ADAMTS6: variants seen among roughly 807,000 people sequenced by gnomAD.
The protein encoded by ADAMTS6 is A disintegrin and metalloproteinase with thrombospondin motifs 6.
In ADAMTS6, 23 loss-of-function variants were observed where a neutral mutation model predicts 144.3. The observed-to-expected ratio is 0.16, with a 90% CI of 0.11 to 0.23. The LOEUF is 0.23. Among genes scored for constraint, ADAMTS6 ranks in the 10% least tolerant of loss-of-function variants. The pLI is 1.00. For synonymous variants in ADAMTS6, 444 were observed against 457.5 expected, an observed-to-expected ratio of 0.97 and a Z score of 0.38; for missense variants, 999 against 1,379.6, an observed-to-expected ratio of 0.72 and a Z score of 4.37.
At chr5:65,163,631 A>C (rs1380964298) in intron 24 of ADAMTS6, among the ~76,000 whole-genome samples, 1 of 152,242 alleles carries the variant, frequency 6.6e-6, no homozygotes, top group East Asian at 1.9e-4. Flanking sequence ...ATCTCTCTTG[A>C]AGAGGTTTAT....
At chr5:65,276,647 T>C (rs954191358) in intron 11 of ADAMTS6, among the ~76,000 whole-genome samples, 2 of 152,212 alleles carry the variant, frequency 1.3e-5, no homozygotes, top group Non-Finnish European at 2.9e-5. Flanking sequence ...ATGGATGATA[T>C]ATTTGCATAG....
At chr5:65,195,398 A>G (rs923641038) in intron 21 of ADAMTS6, among the ~76,000 whole-genome samples, 1 of 152,210 alleles carries the variant, frequency 6.6e-6, no homozygotes, top group Non-Finnish European at 1.5e-5. Context: ...AAAGAACTCA[A>G]TGTAAAATTG....
At chr5:65,456,803 T>C (rs563740571) in intron 4 of ADAMTS6, among the ~76,000 whole-genome samples, 14 of 152,302 alleles carry the variant, frequency 9.2e-5, no homozygotes, top group African/African-American at 3.1e-4. Context: ...CTTTTCCTTT[T>C]TGTCCTGTAT....
chr5:65,207,559 G>A lies in ADAMTS6; in HGVS notation c.2575+7235C>T, dbSNP rs1756195786. ...ATAATATTAAATAAGAGGAGGGGAT[G>A]GGAGTGAAATGAGAATGGTATGAAC... On this transcript the variant is annotated intron_variant, in intron 20 of 24. Transcript: ENST00000381055. 1.3e-5 allele frequency among the ~76,000 whole-genome samples: 2 copies of A among 152,256 alleles called. 1 individual carries two copies. The highest frequency in any genetic ancestry group is 4.1e-4 in the South Asian group (2 of 4,826).
intron 15 of ADAMTS6, among the ~76,000 whole-genome samples, chr5:65,236,315 T>C (rs531054512): frequency 2.0e-5 from 3 of 152,304 alleles, no homozygotes; most frequent in Admixed American, 2.0e-4. Context: ...TTTTCTTTCT[T>C]TTTTTCTAAG....
At chr5:65,167,352 A>G (rs1004501543) in intron 24 of ADAMTS6, among the ~76,000 whole-genome samples, 48 of 152,148 alleles carry the variant, frequency 3.2e-4, no homozygotes, top group African/African-American at 1.1e-3. Flanking sequence ...GAATCTCTGA[A>G]TAGACCAATA....
intron 7 of ADAMTS6, among the ~76,000 whole-genome samples, chr5:65,378,664 T>C (rs1337417709): frequency 6.6e-6 from 1 of 152,184 alleles, no homozygotes; most frequent in Non-Finnish European, 1.5e-5. Flanking sequence ...ATACTTCTTC[T>C]AAATAACCTT....
intron 12 of ADAMTS6, among the ~76,000 whole-genome samples, chr5:65,272,629 G>T (rs2112652752): frequency 6.6e-6 from 1 of 152,126 alleles, no homozygotes; most frequent in Admixed American, 6.5e-5. Flanking sequence ...CAATCTAAAA[G>T]TGACTTTAGA....
In ADAMTS6 at chr5:65,213,422, G is replaced by T. The variant is rs10075356; in HGVS notation, c.2575+1372C>A. ...TTTGGGAGACTGAGGCAGGAGGAAT[G>T]CTTGAGGCCAGGAGTTCCAGACAAG... On this transcript the variant is annotated intron_variant, in intron 20 of 24. Coordinates refer to ENST00000381055, the MANE Select transcript of ADAMTS6 (RefSeq NM_197941.4). Among the ~76,000 whole-genome samples, 801 of 152,264 alleles carry T rather than the reference G, an allele frequency of 5.3e-3. 9 individuals carry two copies. The highest frequency in any genetic ancestry group is 0.019 in the African/African-American group (772 of 41,538).
intron 7 of ADAMTS6, among the ~76,000 whole-genome samples, chr5:65,339,665 A>T (rs1199650416): frequency 2.0e-5 from 3 of 151,986 alleles, no homozygotes; most frequent in Non-Finnish European, 4.4e-5. Context: ...TGAAATAAAA[A>T]ATAGAAGAAA....
intron 7 of ADAMTS6, among the ~76,000 whole-genome samples, chr5:65,385,806 T>C (rs1752425442): frequency 1.3e-5 from 2 of 152,056 alleles, no homozygotes; most frequent in African/African-American, 4.8e-5. Context: ...GAAGAAGCAA[T>C]TGTAGGAATT....
At chr5:65,200,540 A>T (rs914187129) in intron 20 of ADAMTS6, among the ~76,000 whole-genome samples, 1 of 152,192 alleles carries the variant, frequency 6.6e-6, no homozygotes, top group Non-Finnish European at 1.5e-5. Context: ...TATAGTTTAT[A>T]ACCAAAACAT....
chr5:65,383,645 G>GCT (rs1279047959), intron 7 of ADAMTS6, among the ~76,000 whole-genome samples: 3 of 152,078 alleles, frequency 2.0e-5, no homozygotes, highest in Non-Finnish European at 2.9e-5. Context: ...TGTGCCTGTG[G>GCT]CTCTCCCGGG....
Position 65,390,092 on chromosome 5 carries a change from CTATT to C in ADAMTS6, c.1074-56011_1074-56008del, listed in dbSNP as rs900446638. Among the ~76,000 whole-genome samples, 10 of 152,144 alleles carry C rather than the reference CTATT, an allele frequency of 6.6e-5. 1 individual carries two copies. The highest frequency in any genetic ancestry group is 2.1e-4 in the South Asian group (1 of 4,818). On this transcript the variant is annotated intron_variant, in intron 7 of 24. Transcript: ENST00000381055. The stretch of plus-strand genomic sequence containing the variant: ...GTAGAAATAAGTCATTGAAAAAAAA[CTATT>C]TAGTTTTATTCATTTATATATGGCC...
chr5:65,431,045 G>A (rs1561535509), intron 7 of ADAMTS6, among the ~76,000 whole-genome samples: 1 of 152,114 alleles, frequency 6.6e-6, no homozygotes, highest in Non-Finnish European at 1.5e-5. Context: ...CAACTTACAC[G>A]TAGTAAGCAC....
intron 9 of ADAMTS6, among the ~76,000 whole-genome samples, chr5:65,310,167 G>A (rs1382224716): frequency 6.6e-6 from 1 of 151,358 alleles, no homozygotes; most frequent in Non-Finnish European, 1.5e-5. Context: ...CTTCCCCTTT[G>A]CCTTCCTCCA....
At chr5:65,384,237 C>T (rs1286957148) in intron 7 of ADAMTS6, among the ~76,000 whole-genome samples, 1 of 152,178 alleles carries the variant, frequency 6.6e-6, no homozygotes, top group African/African-American at 2.4e-5. Context: ...ACCATATAGC[C>T]AGGCTGAGAA....
intron 7 of ADAMTS6, among the ~76,000 whole-genome samples, chr5:65,376,877 T>C (rs1471425372): frequency 6.6e-6 from 1 of 152,042 alleles, no homozygotes; most frequent in Non-Finnish European, 1.5e-5. Flanking sequence ...AAAACAGCTT[T>C]ACTTTCCAGA....
chr5:65,280,364 A>G (rs909824586), intron 11 of ADAMTS6, among the ~76,000 whole-genome samples: 3 of 152,328 alleles, frequency 2.0e-5, no homozygotes, highest in African/African-American at 2.4e-5. Flanking sequence ...AAATGATACA[A>G]AAGATGTGTA....
Sources: allele counts gnomAD v4.1 joint callset (sites outside exome capture counted in the v4.1 genomes callset), GRCh38; gene constraint gnomAD v4.1.1; transcripts MANE v1.5; gene names NCBI Gene and HGNC (gene_info 2026-07-23, HGNC 2026-07-21).